The following TSPAN9 variants were observed in gnomAD, a reference collection of about 807,000 sequenced individuals.
TSPAN9 encodes the protein tetraspanin-9.
A neutral mutation model predicts 31.0 loss-of-function variants in TSPAN9; 16 were observed. That is an observed-to-expected ratio of 0.52 (90% CI 0.35 to 0.78). TSPAN9 has a LOEUF of 0.78. TSPAN9 is among the 30% of genes least tolerant of loss of function. The probability of loss-of-function intolerance (pLI) is 0.01; values close to 1 mark genes in which losing one functional copy is unlikely to be tolerated. For missense variants in TSPAN9, 272 were observed against 312.5 expected (o/e 0.87, Z 0.98); for synonymous variants, 145 against 121.6 (o/e 1.19, Z -1.27).
chr12:3,267,853 C>T (rs777382875), intron 3 of TSPAN9, among the ~76,000 whole-genome samples: 87 of 152,312 alleles, frequency 5.7e-4, no homozygotes, highest in Non-Finnish European at 1.0e-4. Context: ...GTCATGAGAG[C>T]CACCTGACCA....
chr12:3,244,943 T>C (rs2098398692), intron 3 of TSPAN9, among the ~76,000 whole-genome samples: 1 of 152,200 alleles, frequency 6.6e-6, no homozygotes, highest in Admixed American at 6.5e-5. Flanking sequence ...AGGGGCCCCC[T>C]TCTGCCAACC....
At chr12:3,199,778 C>T (rs140070614) in intron 2 of TSPAN9, among the ~76,000 whole-genome samples, 3,092 of 152,218 alleles carry the variant, frequency 0.02, 36 homozygotes, top group South Asian at 0.056. Context: ...CCCGCAGAGG[C>T]CCCCGGCGCT....
At chr12:3,236,711 G>C (rs1387253879) in intron 3 of TSPAN9, among the ~76,000 whole-genome samples, 1 of 152,148 alleles carries the variant, frequency 6.6e-6, no homozygotes, top group East Asian at 1.9e-4. Flanking sequence ...CTTTGTAGGG[G>C]AATCATCTGA....
At chr12:3,151,150 G>A (rs1436830140) in intron 2 of TSPAN9, 1 of 152,336 alleles carries the variant, frequency 6.6e-6, no homozygotes, top group South Asian at 2.1e-4. Context: ...CGCCTGCAGA[G>A]CATGTGTGTG....
rs143454665 is a variant in TSPAN9 at position 3,226,217 on chromosome 12, T to A, written c.63+24961T>A. ...GCTGGTAGAGTTAGGAAGGCAGACA[T>A]TTTTTATCCTCTAGTTGCACATAGC... On this transcript the variant is annotated intron_variant, in intron 3 of 8. Transcript: ENST00000011898. 7.1e-3 allele frequency among the ~76,000 whole-genome samples: 1,081 copies of A among 152,124 alleles called. 36 individuals carry two copies. Among genetic ancestry groups the A allele is most frequent in the East Asian group, 0.055 (286 of 5,166 alleles).
chr12:3,198,740 CCACCACCAGCACAGCT>C (rs2098369182), intron 2 of TSPAN9, among the ~76,000 whole-genome samples: 1 of 49,168 alleles, frequency 2.0e-5, no homozygotes, highest in Non-Finnish European at 4.3e-5. Flanking sequence ...CCAGCACAGG[CCACCACCAGCACAGCT>C]CACCACCAGC....
At chr12:3,153,741 G>A (rs771672881) in intron 2 of TSPAN9, among the ~76,000 whole-genome samples, 10 of 150,630 alleles carry the variant, frequency 6.6e-5, no homozygotes, top group Non-Finnish European at 1.5e-4. Flanking sequence ...TCTCTGTCTA[G>A]CTGTCTGTTT....
chr12:3,221,436 G>A (rs935657993), intron 3 of TSPAN9, among the ~76,000 whole-genome samples: 6 of 140,024 alleles, frequency 4.3e-5, no homozygotes. Context: ...TTGGCTTATT[G>A]CAATCTCTGC....
intron 3 of TSPAN9, among the ~76,000 whole-genome samples, chr12:3,260,765 A>G (rs1862433288): frequency 6.6e-6 from 1 of 152,180 alleles, no homozygotes; most frequent in Admixed American, 6.5e-5. Context: ...CTTCATGGAA[A>G]TGATAGGCAC....
At chr12:3,160,850 A>G (rs1306501298) in intron 2 of TSPAN9, among the ~76,000 whole-genome samples, 1 of 152,196 alleles carries the variant, frequency 6.6e-6, no homozygotes, top group Non-Finnish European at 1.5e-5. Flanking sequence ...CCCTTAATCA[A>G]TATATGATTT....
chr12:3,178,134 A>C (rs1218146201), intron 2 of TSPAN9, among the ~76,000 whole-genome samples: 1 of 152,048 alleles, frequency 6.6e-6, no homozygotes, highest in Non-Finnish European at 1.5e-5. Flanking sequence ...TGCCATTCTT[A>C]TCTTTTTTTA....
intron 2 of TSPAN9, among the ~76,000 whole-genome samples, chr12:3,162,864 C>T (rs2098346168): frequency 6.6e-6 from 1 of 152,186 alleles, no homozygotes. Context: ...GCCGGGAGAG[C>T]TGAGGCAGCC....
chr12:3,277,933 C>T (rs1388434835), intron 3 of TSPAN9, among the ~76,000 whole-genome samples: 1 of 152,246 alleles, frequency 6.6e-6, no homozygotes, highest in African/African-American at 2.4e-5. Context: ...GACACAGTCG[C>T]TGGAAGTTCT....
chr12:3,252,028 G>A (rs1359661645), intron 3 of TSPAN9, among the ~76,000 whole-genome samples: 7 of 152,144 alleles, frequency 4.6e-5, no homozygotes, highest in Non-Finnish European at 8.8e-5. Flanking sequence ...GCGTGAGTGA[G>A]GGTGAGGGGT....
intron 3 of TSPAN9, among the ~76,000 whole-genome samples, chr12:3,217,660 A>G (rs1164655774): frequency 6.6e-6 from 1 of 152,176 alleles, no homozygotes; most frequent in Non-Finnish European, 1.5e-5. Context: ...CAGAACCCGC[A>G]GGGACTCAAC....
intron 3 of TSPAN9, among the ~76,000 whole-genome samples, chr12:3,250,949 C>T (rs1862235194): frequency 6.6e-6 from 1 of 152,246 alleles, no homozygotes; most frequent in South Asian, 2.1e-4. Context: ...GGCTCTGTTC[C>T]ATGCACTCTC....
intron 3 of TSPAN9, among the ~76,000 whole-genome samples, chr12:3,221,853 C>T (rs2098384757): frequency 6.6e-6 from 1 of 151,948 alleles, no homozygotes; most frequent in Admixed American, 6.6e-5. Context: ...ATAGGGTCTC[C>T]CTGTGTTGCT....
At chr12:3,100,643 G>A (rs7976333) in intron 2 of TSPAN9, among the ~76,000 whole-genome samples, 92,762 of 152,054 alleles carry the variant, frequency 0.61, 28,915 homozygotes, top group African/African-American at 0.72. Context: ...GGCTGTCCCC[G>A]GGAGTCCTGC....
At chr12:3,181,654 G>GA (rs2098358636) in intron 2 of TSPAN9, among the ~76,000 whole-genome samples, 1 of 152,146 alleles carries the variant, frequency 6.6e-6, no homozygotes, top group Non-Finnish European at 1.5e-5. Context: ...TATGCCCCAT[G>GA]AAGCTCATGG....
Sources: allele counts gnomAD v4.1 joint callset (sites outside exome capture counted in the v4.1 genomes callset), GRCh38; gene constraint gnomAD v4.1.1; transcripts MANE v1.5; gene names NCBI Gene and HGNC (gene_info 2026-07-23, HGNC 2026-07-21).